SLC71A2: variants seen among roughly 807,000 people sequenced by gnomAD.
SLC71A2 encodes solute carrier family 71 member 2.
chr9:94,453,902 TATTTTA>T, the SLC71A2 span: 1 of 1,166,556 alleles, frequency 8.6e-7, no homozygotes, highest in Non-Finnish European at 1.3e-6. Context: ...ACAGAGCTTG[TATTTTA>T]ATTCTGTGTG....
chr9:94,459,669 C>A, the SLC71A2 span: 1 of 402,030 alleles, frequency 2.5e-6, no homozygotes, highest in African/African-American at 2.0e-5. Context: ...TGTGCAACTC[C>A]CAAGGTGAAA....
the SLC71A2 span, among the ~76,000 whole-genome samples, chr9:94,387,349 T>C: frequency 6.6e-6 from 1 of 152,204 alleles, no homozygotes; most frequent in East Asian, 1.9e-4. Context: ...GCAGAATAAC[T>C]AAGCACCTAA....
At chr9:94,401,086 T>A in the SLC71A2 span, among the ~76,000 whole-genome samples, 1 of 151,628 alleles carries the variant, frequency 6.6e-6, no homozygotes, top group Non-Finnish European at 1.5e-5. Context: ...TCTTTTCTTT[T>A]CCTTTTTTTT....
chr9:94,406,233 A>G, the SLC71A2 span, among the ~76,000 whole-genome samples: 1 of 151,250 alleles, frequency 6.6e-6, no homozygotes, highest in Non-Finnish European at 1.5e-5. Context: ...ACGTCTGGCT[A>G]AGTTTTTTGA....
the SLC71A2 span, among the ~76,000 whole-genome samples, chr9:94,410,619 T>TA: frequency 6.6e-6 from 1 of 151,768 alleles, no homozygotes; most frequent in Non-Finnish European, 1.5e-5. Context: ...AAGTCACCAA[T>TA]AAAAAATTGA....
the SLC71A2 span, chr9:94,446,708 A>G: frequency 2.9e-5 from 15 of 520,494 alleles, no homozygotes; most frequent in Non-Finnish European, 5.2e-5. Flanking sequence ...TTTATTAACC[A>G]TTTGACTTTT....
the SLC71A2 span, among the ~76,000 whole-genome samples, chr9:94,450,947 G>A: frequency 6.6e-6 from 1 of 152,076 alleles, no homozygotes; most frequent in African/African-American, 2.4e-5. Flanking sequence ...ACCTGTGCCC[G>A]GGTCATACCG....
chr9:94,435,923 T>A, the SLC71A2 span, among the ~76,000 whole-genome samples: 2 of 152,186 alleles, frequency 1.3e-5, no homozygotes, highest in Non-Finnish European at 2.9e-5. Context: ...AGTGCTGGGA[T>A]TACAGGCGTG....
chr9:94,416,750 A>G, the SLC71A2 span, among the ~76,000 whole-genome samples: 2 of 151,894 alleles, frequency 1.3e-5, no homozygotes, highest in African/African-American at 4.8e-5. Flanking sequence ...GCTACTCAGG[A>G]TTCTGAGGCA....
the SLC71A2 span, among the ~76,000 whole-genome samples, chr9:94,391,234 C>T: frequency 5.5e-3 from 771 of 140,766 alleles, 7 homozygotes; most frequent in African/African-American, 0.019. Flanking sequence ...CTGAGCTTGG[C>T]GGTGTGTGTC....
the SLC71A2 span, chr9:94,458,446 T>TAACA: frequency 6.2e-7 from 1 of 1,614,034 alleles, no homozygotes; most frequent in Non-Finnish European, 8.5e-7. Flanking sequence ...AATTGAATTC[T>TAACA]AACAACGTTC....
chr9:94,459,500 G>A, the SLC71A2 span: 2 of 1,450,156 alleles, frequency 1.4e-6, no homozygotes, highest in Non-Finnish European at 1.9e-6. Context: ...TGCTGGATGG[G>A]AGACGCTAGC....
chr9:94,457,931 G>A, the SLC71A2 span, among the ~76,000 whole-genome samples: 30 of 152,300 alleles, frequency 2.0e-4, no homozygotes, highest in African/African-American at 7.0e-4. Flanking sequence ...CACCTGTGAA[G>A]ATGAAGTCTG....
the SLC71A2 span, among the ~76,000 whole-genome samples, chr9:94,386,173 C>T: frequency 6.6e-6 from 1 of 151,942 alleles, no homozygotes; most frequent in South Asian, 2.1e-4. Flanking sequence ...TCTTTCACTT[C>T]CTGGGTTAAA....
the SLC71A2 span, among the ~76,000 whole-genome samples, chr9:94,420,814 G>A: frequency 7.9e-5 from 12 of 152,002 alleles, no homozygotes; most frequent in South Asian, 2.1e-4. Context: ...AAGGAGAATC[G>A]CTTGAACCCA....
chr9:94,453,953 T>C, the SLC71A2 span: 1 of 1,595,418 alleles, frequency 6.3e-7, no homozygotes, highest in Non-Finnish European at 8.6e-7. Context: ...TCCTTTACTT[T>C]GCAGACGGCC....
At chr9:94,387,278 A>T in the SLC71A2 span, among the ~76,000 whole-genome samples, 1 of 152,040 alleles carries the variant, frequency 6.6e-6, no homozygotes, top group Non-Finnish European at 1.5e-5. Context: ...TTTGAAATCT[A>T]CTGTTCTACT....
the SLC71A2 span, among the ~76,000 whole-genome samples, chr9:94,424,683 T>G: frequency 6.6e-6 from 1 of 151,124 alleles, no homozygotes; most frequent in African/African-American, 2.4e-5. Flanking sequence ...TATGATTGCA[T>G]TGACTATAGA....
At chr9:94,456,204 A>AC in the SLC71A2 span, 7 of 1,517,998 alleles carry the variant, frequency 4.6e-6, no homozygotes, top group Middle Eastern at 8.6e-4. Context: ...CTTGAGGTTG[A>AC]CCTGCTGCCT....
Sources: gnomAD v4.1 joint callset for allele counts (sites outside exome capture counted in the v4.1 genomes callset) on GRCh38, gnomAD v4.1.1 for gene constraint, MANE v1.5 for transcripts, NCBI Gene and HGNC (gene_info 2026-07-23, HGNC 2026-07-21) for gene names.